Variants in RRN3 observed in about 807,000 individuals in gnomAD.
The protein encoded by RRN3 is RNA polymerase I transcription factor RRN3.
RRN3 carries 38 observed loss-of-function variants against 82.3 expected under a neutral mutation model. The observed-to-expected ratio is 0.46, with a 90% CI of 0.36 to 0.61. RRN3 has a LOEUF of 0.61. Among genes scored for constraint, RRN3 ranks in the 20% least tolerant of loss-of-function variants. The pLI, the probability that RRN3 is intolerant of heterozygous loss-of-function variation, is 0.00. For missense variants in RRN3, 726 were observed against 793.1 expected, an observed-to-expected ratio of 0.92 and a Z score of 1.02; for synonymous variants, 284 against 284.3, an observed-to-expected ratio of 1.00 and a Z score of 0.01.
chr16:15,081,494 T>C (rs1055468128), intron 8 of RRN3, among the ~76,000 whole-genome samples: 1 of 152,186 alleles, frequency 6.6e-6, no homozygotes, highest in African/African-American at 2.4e-5. Flanking sequence ...TTTGCAGAAA[T>C]GCCTATTCAG....
At chr16:15,064,490 G>A (rs1323852244) in intron 16 of RRN3, among the ~76,000 whole-genome samples, 1 of 151,970 alleles carries the variant, frequency 6.6e-6, no homozygotes. Flanking sequence ...TTTGTTTTTC[G>A]TTTATCCTGT....
At chr16:15,062,820 G>A (rs553901241) in intron 17 of RRN3, among the ~76,000 whole-genome samples, 29 of 152,252 alleles carry the variant, frequency 1.9e-4, no homozygotes, top group African/African-American at 7.0e-4. Flanking sequence ...AACAAAACCT[G>A]GGCCTGGAAT....
At chr16:15,075,850 G>A (rs1028433519) in intron 10 of RRN3, among the ~76,000 whole-genome samples, 1 of 152,138 alleles carries the variant, frequency 6.6e-6, no homozygotes, top group Admixed American at 6.5e-5. Flanking sequence ...ACTGCTGTGA[G>A]TACTGGCGGC....
chr16:15,092,711 T>G, intron 1 of RRN3, 97 bp from the exon 2 acceptor site: 1 of 805,166 alleles, frequency 1.2e-6, no homozygotes, highest in South Asian at 1.6e-5. Flanking sequence ...GTGGAACTAT[T>G]GTTAAGGCCT....
chr16:15,079,020 C>T lies in RRN3; in HGVS notation c.765+978G>A, dbSNP rs566590391. Among the ~76,000 whole-genome samples the T allele has an allele frequency of 1.1e-4, 17 of 152,224 alleles. No homozygotes were observed. In the East Asian group the frequency reaches 1.2e-3, roughly 10 times the overall value. Reference sequence around the variant, plus strand: ...TGAGACAGAGTTTCACCATGTTAGCCAGGATGGTCTCGATCTCCTGACCTC... The same window carrying T: ...TGAGACAGAGTTTCACCATGTTAGCTAGGATGGTCTCGATCTCCTGACCTC... On this transcript the variant is annotated intron_variant, in intron 9 of 17. Transcript: ENST00000198767.
At position 15,060,978 on chromosome 16, in the gene RRN3, C is replaced by T. The variant is rs2044688578; in HGVS notation, c.*766G>A. ...CATGTGTTTTACACAAGCCCGAACT[C>T]ACTTTCAGTCTGTGTGAATTACATC... On this transcript the variant is annotated 3_prime_UTR_variant, in exon 18 of 18. Coordinates refer to ENST00000198767, the MANE Select transcript of RRN3 (RefSeq NM_018427.5). The T allele has an allele frequency of 6.6e-6, 1 of 152,248 alleles. No homozygotes were observed. The highest frequency in any genetic ancestry group is 1.5e-5 in the Non-Finnish European group (1 of 68,054). 9.4% of individuals were successfully genotyped at this position (152,248 alleles called of 1,614,324 possible).
chr16:15,084,756 G>C lies in RRN3; in HGVS notation c.533-51C>G, dbSNP rs186808616. The C allele has an allele frequency of 1.7e-4, 208 of 1,258,716 alleles. 1 individual carries two copies. In the East Asian group the frequency reaches 3.2e-3, roughly 20 times the overall value. The allele number at this position is 1,258,716 out of a possible 1,614,324, so 78.0% of individuals were successfully genotyped here. On this transcript the variant is annotated intron_variant, in intron 6 of 17. Coordinates refer to ENST00000198767, the MANE Select transcript of RRN3 (RefSeq NM_018427.5). ...GAGCATCAAAACAAAACTGAAGGGCGACACGCTTGAAGCTAAAAATAAATG... is the reference window on the plus strand; with the variant it reads ...GAGCATCAAAACAAAACTGAAGGGCCACACGCTTGAAGCTAAAAATAAATG...
chr16:15,087,570 G>T (rs1369561533), intron 3 of RRN3, among the ~76,000 whole-genome samples: 2 of 152,026 alleles, frequency 1.3e-5, no homozygotes, highest in Non-Finnish European at 1.5e-5. Context: ...AACTCCCACA[G>T]ATCAACCATT....
At chr16:15,094,033 G>C (rs1423895156) in intron 1 of RRN3, 112 bp downstream of exon 1, 2 of 918,582 alleles carry the variant, frequency 2.2e-6, no homozygotes, top group South Asian at 1.4e-5. Context: ...CCTCCACCCC[G>C]TGCTCCTATC....
In RRN3 at chr16:15,061,503, A is replaced by G. The variant is rs1020825098; in HGVS notation, c.*241T>C. On this transcript the variant is annotated 3_prime_UTR_variant, in exon 18 of 18. Transcript: ENST00000198767. ...ACAAGCAAATCCTTCCAAATGTATCATCAACCCCACTGTAAAAGATTGCAC... is the reference window on the plus strand; with the variant it reads ...ACAAGCAAATCCTTCCAAATGTATCGTCAACCCCACTGTAAAAGATTGCAC... The G allele has an allele frequency of 2.5e-6, 1 of 403,174 alleles. No individual in the cohort carries two copies. Among genetic ancestry groups the G allele is most frequent in the Non-Finnish European group, 4.4e-6 (1 of 228,382 alleles). The allele number at this position is 403,174 out of a possible 1,614,324, so 25.0% of individuals were successfully genotyped here.
intron 14 of RRN3, among the ~76,000 whole-genome samples, chr16:15,069,826 G>A (rs2045145772): frequency 6.6e-6 from 1 of 152,180 alleles, no homozygotes; most frequent in Non-Finnish European, 1.5e-5. Context: ...AACTTTCAAA[G>A]GCAGAAACCT....
rs763423792 is a variant in RRN3, at chr16:15,061,851, C to G, written c.1849G>C (p.Asp617His). Residue 617 changes from aspartate (D) to histidine (H), a missense_variant, in exon 18 of 18, where the codon GAT becomes CAT. Asp to His is a moderately conservative substitution (Grantham distance 81). Around this residue, in one of 4 missense-constraint regions of RRN3, gnomAD observed 166 missense variants for 154.8 expected, o/e 1.07. Transcript: ENST00000198767. ...DFLKGEVPQNDTVIGITPSSF... is the reference protein window; with the variant it reads ...DFLKGEVPQNHTVIGITPSSF... ...CTTGGTGTGATCCCAATCACGGTAT[C>G]ATTCTGGGGCACTTCGCCTTTCAGA... 2.5e-6 allele frequency: 4 copies of G among 1,613,790 alleles called. No individual in the cohort carries two copies. Among genetic ancestry groups the G allele is most frequent in the Non-Finnish European group, 3.4e-6 (4 of 1,179,754 alleles).
At position 15,065,113 on chromosome 16, in the gene RRN3, C is replaced by A. The variant is rs569414087; in HGVS notation, c.1706+106G>T. The A allele has an allele frequency of 2.7e-5, 32 of 1,178,886 alleles. 2 individuals are homozygous for A. In the South Asian group the frequency reaches 4.6e-4, roughly 17 times the overall value. 73.0% of individuals were successfully genotyped at this position (1,178,886 alleles called of 1,614,324 possible). Reference sequence around the variant, plus strand: ...CCCGGGAGGCGGAGCTTGCGGTAAGCCGAGATCACACCACCGCACTCCAGC... The same window carrying A: ...CCCGGGAGGCGGAGCTTGCGGTAAGACGAGATCACACCACCGCACTCCAGC... On this transcript the variant is annotated intron_variant, in intron 16 of 17. Coordinates refer to ENST00000198767, the MANE Select transcript of RRN3 (RefSeq NM_018427.5).
Position 15,068,551 on chromosome 16 carries a change from A to C in RRN3, c.1445-274T>G, listed in dbSNP as rs1039481659. Among the ~76,000 whole-genome samples the C allele has an allele frequency of 3.3e-5, 5 of 152,174 alleles. No individual in the cohort carries two copies. In the South Asian group the frequency reaches 6.2e-4, roughly 19 times the overall value. On this transcript the variant is annotated intron_variant, in intron 14 of 17. Coordinates refer to ENST00000198767, the MANE Select transcript of RRN3 (RefSeq NM_018427.5). ...AAGATTCCACGACAATGTGAAATTC[A>C]TATGTTTGCAAGCTCAGTGTATGCT...
At position 15,080,141 on chromosome 16, in the gene RRN3, C is replaced by T. The variant is rs55674441; in HGVS notation, c.667-45G>A. The T allele has an allele frequency of 7.9e-4, 1,222 of 1,548,732 alleles. 1 individual carries two copies. Among genetic ancestry groups the T allele is most frequent in the Non-Finnish European group, 7.4e-4 (852 of 1,151,112 alleles). On this transcript the variant is annotated intron_variant, in intron 8 of 17. Coordinates refer to ENST00000198767, the MANE Select transcript of RRN3 (RefSeq NM_018427.5). ...ATAAAACATTTCAACAGAGAATAAA[C>T]GTTTCACAGTTATGTAAGCAAAACA...
chr16:15,089,837 G>C (rs1344600942), intron 3 of RRN3, among the ~76,000 whole-genome samples: 1 of 147,514 alleles, frequency 6.8e-6, no homozygotes, highest in East Asian at 2.0e-4. Flanking sequence ...GGAGACAGGA[G>C]GATCAGAAAC....
At chr16:15,079,890 C>A in intron 9 of RRN3, 108 bp downstream of exon 9, 1 of 1,288,086 alleles carries the variant, frequency 7.8e-7, no homozygotes, top group East Asian at 2.7e-5. Context: ...AGTCACCACG[C>A]CTGGCCAAGT....
In RRN3 at chr16:15,074,852, C is replaced by T. The variant is rs768033327; in HGVS notation, c.868G>A (p.Glu290Lys). ...TEGLFNMDED[E>K]ETEHETKAGP... ...GCCTTTGTTTCATGTTCAGTTTCTTCATCTTCATCCTTTGAAGACAAAAAG... is the reference window on the plus strand; with the variant it reads ...GCCTTTGTTTCATGTTCAGTTTCTTTATCTTCATCCTTTGAAGACAAAAAG... The change falls in exon 11 of 18, where the codon GAA becomes AAA. Residue 290 changes from glutamate (E) to lysine (K), a missense_variant. Transcript: ENST00000198767. The T allele has an allele frequency of 2.9e-5, 46 of 1,607,566 alleles. 1 individual carries two copies. The highest frequency in any genetic ancestry group is 3.8e-5 in the Non-Finnish European group (45 of 1,177,484).
chr16:15,089,032 G>C (rs906036793), intron 3 of RRN3, among the ~76,000 whole-genome samples: 14 of 152,220 alleles, frequency 9.2e-5, no homozygotes, highest in Admixed American at 3.9e-4. Flanking sequence ...GCCGGGTGGA[G>C]TGGCTCACGT....
Sources: allele counts gnomAD v4.1 joint callset (sites outside exome capture counted in the v4.1 genomes callset), GRCh38; gene constraint gnomAD v4.1.1; regional missense constraint gnomAD v4.1.1; transcripts MANE v1.5; gene names NCBI Gene and HGNC (gene_info 2026-07-23, HGNC 2026-07-21).